PRDM16: variants seen among roughly 807,000 people sequenced by gnomAD.
The protein encoded by PRDM16 is histone-lysine N-methyltransferase PRDM16.
In PRDM16, 23 loss-of-function variants were observed where a neutral mutation model predicts 110.6. That is an observed-to-expected ratio of 0.21 (90% CI 0.15 to 0.29). PRDM16 has a LOEUF of 0.29. Ranked by LOEUF, PRDM16 falls within the 10% of genes least tolerant of loss-of-function variation. The probability of loss-of-function intolerance (pLI) is 1.00; values close to 1 mark genes in which losing one functional copy is unlikely to be tolerated. For missense variants in PRDM16, 1,615 were observed against 1,794.3 expected, an observed-to-expected ratio of 0.90 and a Z score of 1.81; for synonymous variants, 799 against 781.8, an observed-to-expected ratio of 1.02 and a Z score of -0.37.
rs773352449 is a variant in PRDM16 at position 3,417,809 on chromosome 1, C to T, written c.2692-19C>T. Reference sequence around the variant, plus strand: ...TGAGAGTCAGCTGAGTCCATAACCTCCCACTCTTATGCCTACAGATGTCAG... The same window carrying T: ...TGAGAGTCAGCTGAGTCCATAACCTTCCACTCTTATGCCTACAGATGTCAG... On this transcript the variant is annotated intron_variant, in intron 10 of 16. Transcript: ENST00000270722. 4.3e-6 allele frequency: 7 copies of T among 1,612,604 alleles called. No homozygotes were observed. In the Admixed American group the frequency reaches 1.0e-4, roughly 23 times the overall value.
chr1:3,269,146 A>G (rs1640368935), intron 3 of PRDM16, among the ~76,000 whole-genome samples: 2 of 152,268 alleles, frequency 1.3e-5, no homozygotes, highest in South Asian at 4.1e-4. Flanking sequence ...AGCAATGGCC[A>G]TGGCCACTGG....
intron 1 of PRDM16, among the ~76,000 whole-genome samples, chr1:3,082,928 C>G (rs11580403): frequency 2.0e-5 from 3 of 152,154 alleles, no homozygotes; most frequent in Admixed American, 6.5e-5. Flanking sequence ...ACAGGATGCT[C>G]GGCCCTCCTG....
chr1:3,250,552 G>A (rs1252651345), intron 3 of PRDM16, among the ~76,000 whole-genome samples: 1 of 151,274 alleles, frequency 6.6e-6, no homozygotes, highest in Non-Finnish European at 1.5e-5. Flanking sequence ...AGCTGAAACC[G>A]TCAGATTCGG....
chr1:3,100,203 C>T (rs985758253), intron 1 of PRDM16, among the ~76,000 whole-genome samples: 4 of 152,146 alleles, frequency 2.6e-5, no homozygotes, highest in Non-Finnish European at 4.4e-5. Context: ...TAGAGCTTGC[C>T]CCCTGCCCGC....
chr1:3,227,791 T>C (rs1198796081), intron 2 of PRDM16, among the ~76,000 whole-genome samples: 1 of 152,116 alleles, frequency 6.6e-6, no homozygotes, highest in African/African-American at 2.4e-5. Context: ...TTGCAGGGGG[T>C]GGCCGGGTCT....
intron 2 of PRDM16, among the ~76,000 whole-genome samples, chr1:3,235,022 A>G (rs1639507069): frequency 6.6e-6 from 1 of 152,180 alleles, no homozygotes; most frequent in South Asian, 2.1e-4. Flanking sequence ...TCCACTTAGA[A>G]CCATCAGCTT....
At chr1:3,410,505 T>C (rs1643667875) in intron 8 of PRDM16, among the ~76,000 whole-genome samples, 1 of 152,194 alleles carries the variant, frequency 6.6e-6, no homozygotes, top group Non-Finnish European at 1.5e-5. Context: ...TCCAGCCATC[T>C]CCAAAGGGTA....
chr1:3,376,000 C>CT (rs1642983806), intron 3 of PRDM16, among the ~76,000 whole-genome samples: 1 of 152,186 alleles, frequency 6.6e-6, no homozygotes, highest in African/African-American at 2.4e-5. Flanking sequence ...GGGCTGTGCG[C>CT]TCCCTCAGAG....
intron 3 of PRDM16, among the ~76,000 whole-genome samples, chr1:3,373,520 G>A (rs755238441): frequency 1.3e-5 from 2 of 152,296 alleles, no homozygotes; most frequent in Middle Eastern, 3.4e-3. Context: ...AGTCATCTAC[G>A]CAGCCATGGA....
chr1:3,411,934 C>G lies in PRDM16; in HGVS notation c.1737C>G (p.Phe579Leu), dbSNP rs35579804. 1 of 1,613,650 alleles carries G rather than the reference C, an allele frequency of 6.2e-7. No individual in the cohort carries two copies. The highest frequency in any genetic ancestry group is 1.1e-5 in the South Asian group (1 of 91,062). Reference protein sequence around the residue: ...TTAAAGPEEKFESRLEDSCVE... With the variant: ...TTAAAGPEEKLESRLEDSCVE... Reference sequence around the variant, plus strand: ...CAGCTGCGGGGCCCGAGGAGAAGTTCGAGAGCCGCCTGGAGGACTCCTGTG... The same window carrying G: ...CAGCTGCGGGGCCCGAGGAGAAGTTGGAGAGCCGCCTGGAGGACTCCTGTG... Residue 579 changes from phenylalanine to leucine, a missense_variant, in exon 9 of 17, where the codon TTC (phenylalanine) becomes TTG (leucine). Physicochemically the swap from Phe to Leu is conservative, Grantham distance 22 (BLOSUM62 0). Around this residue, in one of 5 missense-constraint regions of PRDM16, gnomAD observed 772 missense variants for 748.3 expected, o/e 1.03. Transcript: ENST00000270722.
chr1:3,250,954 C>A (rs1639916500), intron 3 of PRDM16, among the ~76,000 whole-genome samples: 1 of 152,162 alleles, frequency 6.6e-6, no homozygotes, highest in African/African-American at 2.4e-5. Context: ...TCTCGGGGTC[C>A]CTGGCTCAGC....
intron 8 of PRDM16, 54 bp from the exon 9 acceptor site, chr1:3,411,330 A>G: frequency 1.3e-6 from 2 of 1,545,912 alleles, no homozygotes; most frequent in South Asian, 2.4e-5. Flanking sequence ...CGTTTTCAGC[A>G]GGGTTTCCCG....
chr1:3,419,097 C>G (rs1557666079), intron 12 of PRDM16, among the ~76,000 whole-genome samples: 1 of 152,310 alleles, frequency 6.6e-6, no homozygotes, highest in East Asian at 1.9e-4. Context: ...GGGAGAAAAC[C>G]TCAGCTTCCC....
chr1:3,426,097 G>T lies in PRDM16; in HGVS notation c.3156G>T (p.Ala1052=). Residue 1052 remains alanine (A), a synonymous_variant, in exon 14 of 17, where the codon GCG becomes GCT. Transcript: ENST00000270722. ...GVLTNHLGTS[A]SSPTSESDNH... ...TCACGAACCACCTGGGGACCAGCGC[G>T]TCCTCTCCCACCTCAGAGTCGGACA... is the stretch of plus-strand genomic sequence containing the variant. 1 of 1,613,878 alleles carries T rather than the reference G, an allele frequency of 6.2e-7. No individual in the cohort carries two copies. Among genetic ancestry groups the T allele is most frequent in the East Asian group, 2.2e-5 (1 of 44,858 alleles).
In PRDM16 at chr1:3,353,224, A is replaced by C. The variant is rs930289960; in HGVS notation, c.439-31928A>C. Among the ~76,000 whole-genome samples, 4 of 152,158 alleles carry C rather than the reference A, an allele frequency of 2.6e-5. No individual in the cohort carries two copies. Among genetic ancestry groups the C allele is most frequent in the African/African-American group, 7.2e-5 (3 of 41,446 alleles). On this transcript the variant is annotated intron_variant, in intron 3 of 16. Coordinates refer to ENST00000270722, the MANE Select transcript of PRDM16 (RefSeq NM_022114.4). This position sits in a 1 kb window ranked among gnomAD's most constrained non-coding sequence, Gnocchi z 5.4. ...TAAAAGTTAACCGGGTGTGAAATGC[A>C]TGTTGCCTGAGGTGCGGTAAAAGTT... is the stretch of plus-strand genomic sequence containing the variant.
chr1:3,318,598 G>A (rs1268298686), intron 3 of PRDM16, among the ~76,000 whole-genome samples: 1 of 152,076 alleles, frequency 6.6e-6, no homozygotes, highest in African/African-American at 2.4e-5. Flanking sequence ...TCACTCATCT[G>A]TCTATGTATC....
chr1:3,316,014 C>G (rs1372252890), intron 3 of PRDM16, among the ~76,000 whole-genome samples: 1 of 152,140 alleles, frequency 6.6e-6, no homozygotes. Context: ...AGAGAACAAG[C>G]TGTGGCTTTC....
intron 1 of PRDM16, among the ~76,000 whole-genome samples, chr1:3,140,557 C>T (rs747514886): frequency 6.6e-5 from 10 of 152,242 alleles, no homozygotes; most frequent in Non-Finnish European, 1.0e-4. Flanking sequence ...ATTAAAACCA[C>T]GTTGGCTCTC....
At chr1:3,188,262 A>C (rs1644294890) in intron 2 of PRDM16, among the ~76,000 whole-genome samples, 1 of 152,178 alleles carries the variant, frequency 6.6e-6, no homozygotes, top group Non-Finnish European at 1.5e-5. Context: ...GGACTGTGTA[A>C]TCAGGAGGTG....
Sources: allele counts gnomAD v4.1 joint callset (sites outside exome capture counted in the v4.1 genomes callset), GRCh38; gene constraint gnomAD v4.1.1; regional missense constraint gnomAD v4.1.1; non-coding constraint Gnocchi (gnomAD v3.1); transcripts MANE v1.5; gene names NCBI Gene and HGNC (gene_info 2026-07-23, HGNC 2026-07-21).